The following CCDC178 variants were observed in gnomAD, a reference collection of about 807,000 sequenced individuals.
CCDC178 encodes the protein coiled-coil domain-containing protein 178.
Under a neutral mutation model 117.4 loss-of-function variants are expected in CCDC178, and 126 were observed. The ratio of observed to expected loss-of-function variants is 1.07; its 90% confidence interval spans 0.93 to 1.24. The LOEUF (loss-of-function observed/expected upper bound fraction) is 1.24, where lower values mean the gene tolerates loss of function less well. Ranked by LOEUF, CCDC178 falls within the 50% of genes most tolerant of loss-of-function variation. The pLI is 0.00. For missense variants in CCDC178, 1,030 were observed against 986.9 expected (o/e 1.04, Z -0.59); for synonymous variants, 283 against 313.4 (o/e 0.90, Z 1.02).
chr18:33,260,461 T>C (rs1216733629), intron 14 of CCDC178, among the ~76,000 whole-genome samples: 1 of 150,616 alleles, frequency 6.6e-6, no homozygotes, highest in African/African-American at 2.4e-5. Context: ...ATCATTATAT[T>C]ATATATTTGT....
At chr18:33,019,785 G>A (rs1161470048) in intron 21 of CCDC178, among the ~76,000 whole-genome samples, 2 of 151,918 alleles carry the variant, frequency 1.3e-5, no homozygotes, top group African/African-American at 2.4e-5. Context: ...ATCAAATCAC[G>A]AAGACTCTTT....
intron 20 of CCDC178, among the ~76,000 whole-genome samples, chr18:33,156,777 C>G (rs142669479): frequency 6.6e-6 from 1 of 151,960 alleles, no homozygotes; most frequent in Non-Finnish European, 1.5e-5. Flanking sequence ...ATTTCCACTA[C>G]GAGAGTTTCT....
chr18:33,084,303 A>C (rs2057343332), intron 21 of CCDC178, among the ~76,000 whole-genome samples: 1 of 152,232 alleles, frequency 6.6e-6, no homozygotes, highest in Non-Finnish European at 1.5e-5. Context: ...TATAACATGA[A>C]GATGCCAGAT....
At chr18:33,139,390 C>T (rs1030990559) in intron 20 of CCDC178, among the ~76,000 whole-genome samples, 1 of 152,020 alleles carries the variant, frequency 6.6e-6, no homozygotes, top group African/African-American at 2.4e-5. Context: ...CAGAAGAAGA[C>T]AAGAAAATAT....
chr18:33,387,808 C>G (rs2063515406), intron 5 of CCDC178, among the ~76,000 whole-genome samples: 3 of 152,090 alleles, frequency 2.0e-5, no homozygotes, highest in African/African-American at 7.2e-5. Context: ...TGGAGAAAGA[C>G]TTTATGATGA....
At chr18:33,035,264 A>G (rs2056421876) in intron 21 of CCDC178, among the ~76,000 whole-genome samples, 1 of 151,960 alleles carries the variant, frequency 6.6e-6, no homozygotes, top group Non-Finnish European at 1.5e-5. Flanking sequence ...CAGAATGAAT[A>G]AGCTGAGCAT....
intron 20 of CCDC178, among the ~76,000 whole-genome samples, chr18:33,180,922 G>A (rs1047886206): frequency 6.6e-6 from 1 of 152,024 alleles, no homozygotes; most frequent in Non-Finnish European, 1.5e-5. Context: ...AGGTTAATGC[G>A]AGGTAGGAAC....
At chr18:33,036,962 A>C (rs2056456305) in intron 21 of CCDC178, among the ~76,000 whole-genome samples, 1 of 151,964 alleles carries the variant, frequency 6.6e-6, no homozygotes, top group African/African-American at 2.4e-5. Flanking sequence ...GAAATGGCCA[A>C]CATTTCTTTT....
Position 32,974,577 on chromosome 18 carries a change from C to T in CCDC178, c.2493G>A (p.Gln831=). ...CAGCTAATATTTTCTGAATACTCTC[C>T]TGAGAGTCTGTCTGGAAGTTGGCCA... ...MRLANFQTDS[Q]ESIQKILAVQ... is the part of the protein sequence containing the mutation. Residue 831 remains glutamine (Q), a synonymous_variant, in exon 22 of 23, where the codon CAG becomes CAA. Transcript: ENST00000383096. 6.2e-7 allele frequency: 1 copy of T among 1,613,496 alleles called. No individual in the cohort carries two copies. Among genetic ancestry groups the T allele is most frequent in the Non-Finnish European group, 8.5e-7 (1 of 1,179,620 alleles).
chr18:33,356,323 C>A lies in CCDC178; in HGVS notation c.371+1G>T. 6.8e-7 allele frequency: 1 copy of A among 1,479,516 alleles called. No homozygotes were observed. The allele number at this position is 1,479,516 out of a possible 1,614,324, so 91.6% of individuals were successfully genotyped here. On this transcript the variant is annotated splice_donor_variant, in intron 7 of 22. Transcript: ENST00000383096. LOFTEE classifies it high-confidence loss of function. ...TTTTAAAAAGCATGAAATTTTCTTA[C>A]CATTCTTCAAAAGAAGTTTCAAACT...
At chr18:33,091,422 C>T (rs971687313) in intron 21 of CCDC178, among the ~76,000 whole-genome samples, 10 of 139,306 alleles carry the variant, frequency 7.2e-5, no homozygotes, top group African/African-American at 2.1e-4. Flanking sequence ...CTGCCATGTC[C>T]GCATCCTGGG....
chr18:33,019,863 T>C (rs902947201), intron 21 of CCDC178, among the ~76,000 whole-genome samples: 1 of 151,066 alleles, frequency 6.6e-6, no homozygotes. Flanking sequence ...TCAGAATCCA[T>C]TGATGTGAAA....
chr18:33,177,121 C>T (rs1230465950), intron 20 of CCDC178, among the ~76,000 whole-genome samples: 2 of 152,004 alleles, frequency 1.3e-5, no homozygotes, highest in African/African-American at 2.4e-5. Context: ...AACCAAACAC[C>T]GCATGTTCTC....
intron 21 of CCDC178, among the ~76,000 whole-genome samples, chr18:33,065,861 CTTTTTTTTT>C (rs113727763): frequency 7.7e-6 from 1 of 130,214 alleles, no homozygotes; most frequent in African/African-American, 2.9e-5. Context: ...AGTTCTTTTT[CTTTTTTTTT>C]TTTTTTTTTG....
At chr18:32,993,771 C>T (rs936345759) in intron 21 of CCDC178, among the ~76,000 whole-genome samples, 1 of 152,112 alleles carries the variant, frequency 6.6e-6, no homozygotes, top group Non-Finnish European at 1.5e-5. Flanking sequence ...TCCCCTGCAC[C>T]TGATTCAGGG....
intron 10 of CCDC178, among the ~76,000 whole-genome samples, chr18:33,332,386 C>A (rs1419412440): frequency 1.3e-5 from 2 of 151,952 alleles, no homozygotes; most frequent in Non-Finnish European, 2.9e-5. Context: ...CATTTTGTGA[C>A]AATTATCAAT....
chr18:33,039,505 G>A (rs547962757), intron 21 of CCDC178, among the ~76,000 whole-genome samples: 4 of 152,122 alleles, frequency 2.6e-5, no homozygotes, highest in East Asian at 3.9e-4. Flanking sequence ...TGGCTACAGG[G>A]AAGCCTGCAT....
chr18:33,352,355 T>C (rs1306702494), intron 7 of CCDC178, among the ~76,000 whole-genome samples: 4 of 152,144 alleles, frequency 2.6e-5, no homozygotes, highest in African/African-American at 9.6e-5. Context: ...TGAATTTCAT[T>C]GCTCTTTTCA....
intron 20 of CCDC178, among the ~76,000 whole-genome samples, chr18:33,181,081 A>G (rs1358439182): frequency 3.9e-5 from 6 of 151,998 alleles, no homozygotes; most frequent in Non-Finnish European, 4.4e-5. Context: ...GAAAAAAAGT[A>G]CAATTGATTG....
Sources: allele counts gnomAD v4.1 joint callset (sites outside exome capture counted in the v4.1 genomes callset), GRCh38; gene constraint gnomAD v4.1.1; transcripts MANE v1.5; gene names NCBI Gene and HGNC (gene_info 2026-07-23, HGNC 2026-07-21).